The following KIAA0319L variants were observed in gnomAD, a reference collection of about 807,000 sequenced individuals.
The protein encoded by KIAA0319L is dyslexia-associated protein KIAA0319-like protein.
A neutral mutation model predicts 120.1 loss-of-function variants in KIAA0319L; 55 were observed. The ratio of observed to expected loss-of-function variants is 0.46; its 90% CI spans 0.37 to 0.57. The LOEUF is 0.57. KIAA0319L is among the 20% of genes least tolerant of loss of function. The probability of loss-of-function intolerance (pLI) is 0.00; values close to 1 mark genes in which losing one functional copy is unlikely to be tolerated. For synonymous variants in KIAA0319L, 398 were observed against 471.9 expected (o/e 0.84, Z 2.03); for missense variants, 1,049 against 1,255.3 (o/e 0.84, Z 2.48).
intron 7 of KIAA0319L, 60 bp downstream of exon 7, chr1:35,466,548 T>C: frequency 8.9e-7 from 1 of 1,117,494 alleles, no homozygotes; most frequent in East Asian, 2.4e-5. Context: ...ATCAAATCTC[T>C]ATCTCCTCAG....
chr1:35,483,037 G>A (rs1464116407), intron 3 of KIAA0319L, among the ~76,000 whole-genome samples: 1 of 152,114 alleles, frequency 6.6e-6, no homozygotes, highest in African/African-American at 2.4e-5. Flanking sequence ...TCGGACACCT[G>A]TATAACCTCT....
In KIAA0319L at chr1:35,453,617, A is replaced by G. The variant is rs1220276994; in HGVS notation, c.1853T>C (p.Leu618Pro). 1.2e-6 allele frequency: 2 copies of G among 1,613,924 alleles called. No individual in the cohort carries two copies. Among genetic ancestry groups the G allele is most frequent in the Non-Finnish European group, 1.7e-6 (2 of 1,179,916 alleles). The change falls in exon 12 of 21, where the codon CTG becomes CCG. Residue 618 changes from leucine (L) to proline (P), a missense_variant. Coordinates refer to ENST00000325722, the MANE Select transcript of KIAA0319L (RefSeq NM_024874.5). The surrounding 1 kb of genome is among the most constrained non-coding windows in gnomAD (Gnocchi z 4.1). ...ELTLPVDSTT[L>P]DGSKSSDDQK... ...ATCATCTGAGCTCTTGCTGCCATCC[A>G]GGGTTGTGCTATCCACAGGAAGGGT... is the stretch of plus-strand genomic sequence containing the variant.
intron 7 of KIAA0319L, among the ~76,000 whole-genome samples, chr1:35,464,856 C>T (rs1441677320): frequency 6.6e-6 from 1 of 152,164 alleles, no homozygotes; most frequent in East Asian, 1.9e-4. Flanking sequence ...TGAAAAGGGC[C>T]AATGTAGAGC....
At position 35,434,863 on chromosome 1, in the gene KIAA0319L, G is replaced by A. The variant is rs761505736; in HGVS notation, c.*31C>T. 4 of 1,596,560 alleles carry A rather than the reference G, an allele frequency of 2.5e-6. No homozygotes were observed. The highest frequency in any genetic ancestry group is 2.2e-5 in the South Asian group (2 of 89,696). ...AGGAGGACTGGCCGGGCAGTGTGCT[G>A]GGCCCTGCCCTGAGGAGACAGACCA... is the stretch of plus-strand genomic sequence containing the variant. On this transcript the variant is annotated 3_prime_UTR_variant, in exon 21 of 21. Transcript: ENST00000325722.
At chr1:35,508,982 C>G (rs1645315405) in intron 2 of KIAA0319L, among the ~76,000 whole-genome samples, 1 of 152,046 alleles carries the variant, frequency 6.6e-6, no homozygotes, top group Non-Finnish European at 1.5e-5. Flanking sequence ...GAAAACTAGA[C>G]AAAATATATA....
At chr1:35,442,202 A>G in intron 19 of KIAA0319L, 44 bp downstream of exon 19, 1 of 1,442,032 alleles carries the variant, frequency 6.9e-7, no homozygotes, top group South Asian at 1.1e-5. Flanking sequence ...GAACGAATGT[A>G]TGACAAGAAG....
At chr1:35,485,143 G>C (rs1407748336) in intron 3 of KIAA0319L, among the ~76,000 whole-genome samples, 1 of 151,784 alleles carries the variant, frequency 6.6e-6, no homozygotes, top group African/African-American at 2.4e-5. Context: ...TATAATATCT[G>C]GTTGAAAACT....
At chr1:35,446,439 A>G (rs1486600908) in intron 16 of KIAA0319L, among the ~76,000 whole-genome samples, 1 of 152,162 alleles carries the variant, frequency 6.6e-6, no homozygotes, top group Non-Finnish European at 1.5e-5. Context: ...TTCAGCACCA[A>G]CTTCCTCAAA....
rs577861463 is a variant in KIAA0319L, at chr1:35,507,301, T to C, written c.143-166A>G. 7.2e-5 allele frequency among the ~76,000 whole-genome samples: 11 copies of C among 152,280 alleles called. No individual in the cohort carries two copies. The East Asian group carries it at 2.1e-3, about 29-fold the overall frequency. On this transcript the variant is annotated intron_variant, in intron 2 of 20. Coordinates refer to ENST00000325722, the MANE Select transcript of KIAA0319L (RefSeq NM_024874.5). ...CAAAGGAAGTGAAAGAGAGTGTTTT[T>C]TGTCTTCGGATATTTTAGGTTCTAG... is the stretch of plus-strand genomic sequence containing the variant.
chr1:35,501,225 C>T (rs561784308), intron 3 of KIAA0319L, among the ~76,000 whole-genome samples: 44 of 152,294 alleles, frequency 2.9e-4, no homozygotes, highest in African/African-American at 1.0e-3. Context: ...CCAGCATACA[C>T]CTGAATTCTG....
At chr1:35,520,409 T>C (rs530968568) in intron 2 of KIAA0319L, among the ~76,000 whole-genome samples, 3 of 152,154 alleles carry the variant, frequency 2.0e-5, no homozygotes, top group Admixed American at 2.0e-4. Flanking sequence ...CTTTTTTTTC[T>C]TTAAGACAGG....
At chr1:35,533,627 C>A (rs568402920) in intron 2 of KIAA0319L, among the ~76,000 whole-genome samples, 1 of 152,280 alleles carries the variant, frequency 6.6e-6, no homozygotes, top group South Asian at 2.1e-4. Flanking sequence ...AAAGGCACAG[C>A]CTTAAATTTG....
At chr1:35,435,991 G>A (rs758994437) in intron 20 of KIAA0319L, among the ~76,000 whole-genome samples, 9 of 152,126 alleles carry the variant, frequency 5.9e-5, no homozygotes, top group Non-Finnish European at 1.2e-4. Context: ...CCACGCCCAG[G>A]AGCTAACCTC....
chr1:35,444,419 T>A, intron 16 of KIAA0319L, 116 bp from the exon 17 acceptor site: 2 of 968,902 alleles, frequency 2.1e-6, no homozygotes, highest in Non-Finnish European at 2.9e-6. Context: ...GTTACATGCA[T>A]TCTGTTACTA....
chr1:35,444,404 TAA>T, intron 16 of KIAA0319L, 101 bp from the exon 17 acceptor site: 3 of 1,154,922 alleles, frequency 2.6e-6, no homozygotes, highest in Non-Finnish European at 3.6e-6. Flanking sequence ...GACACTGTGC[TAA>T]GTGTTACATG....
intron 2 of KIAA0319L, among the ~76,000 whole-genome samples, chr1:35,549,767 C>T (rs1184858377): frequency 6.6e-6 from 1 of 152,198 alleles, no homozygotes; most frequent in Non-Finnish European, 1.5e-5. Flanking sequence ...AGTGCCTTTC[C>T]ATATCTCTGC....
intron 3 of KIAA0319L, among the ~76,000 whole-genome samples, chr1:35,489,495 T>A (rs1321732556): frequency 6.6e-6 from 1 of 151,944 alleles, no homozygotes; most frequent in Non-Finnish European, 1.5e-5. Flanking sequence ...TCTTTCTGAG[T>A]TGAAGAGCTG....
intron 5 of KIAA0319L, among the ~76,000 whole-genome samples, chr1:35,471,431 C>T (rs560817080): frequency 8.1e-4 from 123 of 152,352 alleles, no homozygotes; most frequent in African/African-American, 2.8e-3. Flanking sequence ...GAGGTCATCA[C>T]ACCCTGGTGA....
At chr1:35,464,479 A>G (rs1192534138) in intron 7 of KIAA0319L, among the ~76,000 whole-genome samples, 2 of 152,236 alleles carry the variant, frequency 1.3e-5, no homozygotes, top group Non-Finnish European at 2.9e-5. Context: ...ATTTCTAAAG[A>G]GCAAAGCATT....
Sources: gnomAD v4.1 joint callset for allele counts (sites outside exome capture counted in the v4.1 genomes callset) on GRCh38, gnomAD v4.1.1 for gene constraint, Gnocchi (gnomAD v3.1) non-coding constraint, MANE v1.5 for transcripts, NCBI Gene and HGNC (gene_info 2026-07-23, HGNC 2026-07-21) for gene names.